The following TLR8 variants were observed in gnomAD, a reference collection of about 807,000 sequenced individuals.
TLR8 encodes toll like receptor 8, also known as toll-like receptor 8.
Under a neutral mutation model 18.5 loss-of-function variants are expected in TLR8, and 5 were observed. The observed-to-expected ratio is 0.27, with a 90% CI of 0.14 to 0.57. The LOEUF (loss-of-function observed/expected upper bound fraction) is 0.57. Among genes scored for constraint, TLR8 ranks in the 20% least tolerant of loss-of-function variants. The pLI is 0.92. For missense variants in TLR8, 543 were observed against 769.8 expected (o/e 0.71, Z 3.49); for synonymous variants, 299 against 300.1 (o/e 1.00, Z 0.04).
rs2043079040 is a variant in TLR8 at position 12,919,476 on chromosome X, G to A, written c.436G>A (p.Glu146Lys). The A allele has an allele frequency of 1.7e-6, 2 of 1,211,000 alleles. No homozygotes were observed. Among genetic ancestry groups the A allele is most frequent in the Non-Finnish European group, 2.2e-6 (2 of 895,143 alleles). The change falls in exon 2 of 2, where the codon GAG (glutamate) becomes AAG (lysine). Residue 146 changes from glutamate to lysine, a missense_variant. Around this residue, in one of 4 missense-constraint regions of TLR8, gnomAD observed 117 missense variants for 111.0 expected, o/e 1.05. Transcript: ENST00000218032. ...ACCCCAAATACCCTCTGGTTTGCCA[G>A]AGTCTTTGACAGAACTTAGTCTAAT... Reference protein sequence around the residue: ...QLPQIPSGLPESLTELSLIQN... With the variant: ...QLPQIPSGLPKSLTELSLIQN...
rs1277601856 is a variant in TLR8 at position 12,920,990 on chromosome X, G to T, written c.1950G>T (p.Arg650Ser). The change falls in exon 2 of 2, where the codon AGG (arginine) becomes AGT (serine). Residue 650 changes from arginine to serine, a missense_variant. Coordinates refer to ENST00000218032, the MANE Select transcript of TLR8 (RefSeq NM_138636.5). ...NLTRLDLSLNRLKHIPNEAFL... is the reference protein window; with the variant it reads ...NLTRLDLSLNSLKHIPNEAFL... ...CACGTCTGGATTTATCCCTTAATAGGCTGAAGCACATCCCAAATGAAGCAT... is the reference window on the plus strand; with the variant it reads ...CACGTCTGGATTTATCCCTTAATAGTCTGAAGCACATCCCAAATGAAGCAT... 8.3e-7 allele frequency: 1 copy of T among 1,208,961 alleles called. No individual in the cohort carries two copies. Among genetic ancestry groups the T allele is most frequent in the Non-Finnish European group, 1.1e-6 (1 of 894,491 alleles).
chrX:12,920,464 T>C lies in TLR8; in HGVS notation c.1424T>C (p.Ile475Thr). 1 of 1,211,735 alleles carries C rather than the reference T, an allele frequency of 8.3e-7. No individual in the cohort carries two copies. The highest frequency in any genetic ancestry group is 1.1e-6 in the Non-Finnish European group (1 of 895,430). Residue 475 changes from isoleucine to threonine, a missense_variant, in exon 2 of 2, where the codon ATA becomes ACA. Physicochemically the swap from Ile to Thr is moderately conservative, Grantham distance 89. Coordinates refer to ENST00000218032, the MANE Select transcript of TLR8 (RefSeq NM_138636.5). ...SNFYHFTRPL[I>T]KPQCAAYGKA... ...TTTTATCATTTCACCCGTCCTTTAA[T>C]AAAGCCACAATGTGCTGCTTATGGA...
At chrX:12,916,951 A>T (rs2043059702) in intron 1 of TLR8, among the ~76,000 whole-genome samples, 1 of 111,416 alleles carries the variant, frequency 9.0e-6, no homozygotes, top group South Asian at 3.7e-4. Context: ...GGCTGCTTGC[A>T]TTCCTTGTTG....
intron 1 of TLR8, among the ~76,000 whole-genome samples, chrX:12,912,349 C>T (rs2043027303): frequency 8.9e-6 from 1 of 112,836 alleles, no homozygotes; most frequent in African/African-American, 3.2e-5. Flanking sequence ...GGGTGTGGCT[C>T]AAAGGAAGAA....
intron 1 of TLR8, among the ~76,000 whole-genome samples, chrX:12,907,318 C>G (rs141319839): frequency 0.03 from 3,414 of 112,430 alleles, 46 homozygotes; most frequent in Non-Finnish European, 0.036. Flanking sequence ...TTATTTTACA[C>G]TGTCAAGACA....
intron 1 of TLR8, among the ~76,000 whole-genome samples, chrX:12,914,801 T>C (rs1466606273): frequency 8.9e-6 from 1 of 111,888 alleles, no homozygotes; most frequent in Non-Finnish European, 1.9e-5. Flanking sequence ...CTAAACATGG[T>C]GCCACCCTGC....
intron 1 of TLR8, among the ~76,000 whole-genome samples, chrX:12,912,304 C>A (rs2043027064): frequency 8.9e-6 from 1 of 112,847 alleles, no homozygotes; most frequent in Non-Finnish European, 1.9e-5. Context: ...CTTTGATATC[C>A]TTTTGGAGCC....
chrX:12,911,999 A>G (rs773138778), intron 1 of TLR8, among the ~76,000 whole-genome samples: 38 of 112,278 alleles, frequency 3.4e-4, no homozygotes, highest in South Asian at 1.1e-3. Flanking sequence ...TTCTTTTACT[A>G]TGGCTTTAAT....
chrX:12,920,908 T>C lies in TLR8; in HGVS notation c.1868T>C (p.Leu623Ser). 8.3e-7 allele frequency: 1 copy of C among 1,210,938 alleles called. No individual in the cohort carries two copies. The highest frequency in any genetic ancestry group is 1.1e-6 in the Non-Finnish European group (1 of 894,857). ...LVFSGNRLDI[L>S]WNDDDNRYIS... Reference sequence around the variant, plus strand: ...TTCAGTGGCAATCGCCTTGACATTTTGTGGAATGATGATGACAACAGGTAT... The same window carrying C: ...TTCAGTGGCAATCGCCTTGACATTTCGTGGAATGATGATGACAACAGGTAT... Residue 623 changes from leucine (L) to serine (S), a missense_variant, in exon 2 of 2, where the codon TTG (leucine) becomes TCG (serine). Physicochemically the swap from Leu to Ser is moderately radical, Grantham distance 145. Around this residue, in one of 4 missense-constraint regions of TLR8, gnomAD observed 227 missense variants for 312.9 expected, o/e 0.73. Coordinates refer to ENST00000218032, the MANE Select transcript of TLR8 (RefSeq NM_138636.5).
Position 12,919,547 on chromosome X carries a change from T to TA in TLR8, c.508dup (p.Ile170AsnfsTer15). ...TAACTAAAGAGGGCATTTCAAGACTTATAAACTTGAAAAATCTCTATTTGG... is the reference window on the plus strand; with the variant it reads ...TAACTAAAGAGGGCATTTCAAGACTTAATAAACTTGAAAAATCTCTATTTGG... On this transcript the variant is annotated frameshift_variant, in exon 2 of 2. Transcript: ENST00000218032. LOFTEE classifies it low-confidence loss of function (END_TRUNC). The TA allele has an allele frequency of 5.8e-6, 7 of 1,204,649 alleles. No individual in the cohort carries two copies. Among genetic ancestry groups the TA allele is most frequent in the Non-Finnish European group, 7.8e-6 (7 of 892,765 alleles).
intron 1 of TLR8, among the ~76,000 whole-genome samples, chrX:12,914,364 C>T (rs1322679648): frequency 1.8e-5 from 2 of 111,836 alleles, no homozygotes; most frequent in African/African-American, 6.5e-5. Flanking sequence ...CTCATTCATA[C>T]CCATGGCTTC....
At chrX:12,913,571 T>A (rs2043035040) in intron 1 of TLR8, among the ~76,000 whole-genome samples, 1 of 112,742 alleles carries the variant, frequency 8.9e-6, no homozygotes, top group African/African-American at 3.2e-5. Context: ...GAACATAATA[T>A]CGTTTATTTA....
chrX:12,914,072 G>A (rs779544469), intron 1 of TLR8, among the ~76,000 whole-genome samples: 1 of 111,503 alleles, frequency 9.0e-6, no homozygotes, highest in South Asian at 3.8e-4. Context: ...ATGAAACAGA[G>A]CAAAAAGCCT....
At chrX:12,917,022 CCT>C (rs1420076359) in intron 1 of TLR8, among the ~76,000 whole-genome samples, 8 of 111,731 alleles carry the variant, frequency 7.2e-5, no homozygotes, top group African/African-American at 2.3e-4. Context: ...GCATCCTACC[CCT>C]CTGACTTTTC....
At chrX:12,918,422 G>A (rs1365941709) in intron 1 of TLR8, among the ~76,000 whole-genome samples, 1 of 112,051 alleles carries the variant, frequency 8.9e-6, no homozygotes. Flanking sequence ...AACCATAGCT[G>A]TGGTCCAGCT....
rs1352055700 is a variant in TLR8 at position 12,919,198 on chromosome X, G to A, written c.158G>A (p.Arg53Gln). The A allele has an allele frequency of 1.2e-5, 15 of 1,211,841 alleles. No individual in the cohort carries two copies. The highest frequency in any genetic ancestry group is 5.3e-5 in the South Asian group (3 of 57,018). Reference sequence around the variant, plus strand: ...GTTATTGCAGAGTGCAGCAATCGTCGACTACAGGAAGTTCCCCAAACGGTG... The same window carrying A: ...GTTATTGCAGAGTGCAGCAATCGTCAACTACAGGAAGTTCCCCAAACGGTG... ...DSVIAECSNR[R>Q]LQEVPQTVGK... Residue 53 changes from arginine to glutamine, a missense_variant, in exon 2 of 2, where the codon CGA becomes CAA. Arg to Gln is a conservative substitution (Grantham distance 43). Transcript: ENST00000218032.
Position 12,921,277 on chromosome X carries a change from A to G in TLR8, c.2237A>G (p.Asn746Ser). 1.7e-6 allele frequency: 2 copies of G among 1,211,648 alleles called. No homozygotes were observed. Among genetic ancestry groups the G allele is most frequent in the Non-Finnish European group, 2.2e-6 (2 of 895,460 alleles). ...SSLKHLDLSSNLLKTINKSAL... is the reference protein window; with the variant it reads ...SSLKHLDLSSSLLKTINKSAL... ...CTGAAGCACCTCGATTTAAGTTCCA[A>G]TCTGCTAAAAACAATCAACAAATCC... Residue 746 changes from asparagine to serine, a missense_variant, in exon 2 of 2, where the codon AAT becomes AGT. Transcript: ENST00000218032.
At chrX:12,918,085 G>C (rs922238529) in intron 1 of TLR8, among the ~76,000 whole-genome samples, 1 of 111,989 alleles carries the variant, frequency 8.9e-6, no homozygotes, top group African/African-American at 3.3e-5. Flanking sequence ...CATTAATGTG[G>C]GTGATGAAAT....
At chrX:12,906,930 T>G (rs2042988739) in intron 1 of TLR8, among the ~76,000 whole-genome samples, 1 of 112,426 alleles carries the variant, frequency 8.9e-6, no homozygotes, top group Non-Finnish European at 1.9e-5. Context: ...GAGTAAATTT[T>G]GAAAATCAAA....
Sources: gnomAD v4.1 joint callset for allele counts (sites outside exome capture counted in the v4.1 genomes callset) on GRCh38, gnomAD v4.1.1 for gene constraint, gnomAD v4.1.1 regional missense constraint, MANE v1.5 for transcripts, NCBI Gene and HGNC (gene_info 2026-07-23, HGNC 2026-07-21) for gene names.